The following ESYT2 variants were observed in gnomAD, a reference collection of about 807,000 sequenced individuals.
ESYT2 encodes the protein extended synaptotagmin 2, also known as extended synaptotagmin-2.
A neutral mutation model predicts 107.2 loss-of-function variants in ESYT2; 54 were observed. The observed-to-expected ratio is 0.50, with a 90% CI of 0.40 to 0.63. ESYT2 has a LOEUF of 0.63. Ranked by LOEUF, ESYT2 falls within the 30% of genes least tolerant of loss-of-function variation. The pLI, the probability that ESYT2 is intolerant of heterozygous loss-of-function variation, is 0.00. For missense variants in ESYT2, 1,020 were observed against 1,094.5 expected (o/e 0.93, Z 0.96); for synonymous variants, 491 against 434.1 (o/e 1.13, Z -1.63).
rs80343552 is a variant in ESYT2 at position 158,788,240 on chromosome 7, G to A, written c.657+105C>T. 2.2e-4 allele frequency: 274 copies of A among 1,247,760 alleles called. 3 individuals are homozygous for A. The highest frequency in any genetic ancestry group is 2.2e-3 in the South Asian group (156 of 71,198). The allele number at this position is 1,247,760 out of a possible 1,614,324, so 77.3% of individuals were successfully genotyped here. The stretch of plus-strand genomic sequence containing the variant: ...TATGACCTACAGCTAAAAACTGAAC[G>A]TCAAAAAAATTCCAAGCTAAAAAAA... On this transcript the variant is annotated intron_variant, in intron 5 of 22. Coordinates refer to ENST00000275418, the MANE Select transcript of ESYT2 (RefSeq NM_001367773.1).
Position 158,799,092 on chromosome 7 carries a change from A to G in ESYT2, c.331-20T>C, listed in dbSNP as rs1402854565. 6.2e-7 allele frequency: 1 copy of G among 1,608,840 alleles called. No homozygotes were observed. The highest frequency in any genetic ancestry group is 1.7e-5 in the Admixed American group (1 of 59,626). ...ATGAACCTAGGAGGAAAATACACAC[A>G]TATGACTTATTAACTCCCAACAACT... is the stretch of plus-strand genomic sequence containing the variant. On this transcript the variant is annotated intron_variant, in intron 1 of 22. Transcript: ENST00000275418.
At chr7:158,800,320 T>G (rs1839599514) in intron 1 of ESYT2, among the ~76,000 whole-genome samples, 1 of 152,208 alleles carries the variant, frequency 6.6e-6, no homozygotes, top group South Asian at 2.1e-4. Flanking sequence ...GTGCTGAGAT[T>G]ATAGGTGTGA....
intron 20 of ESYT2, among the ~76,000 whole-genome samples, 167 bp from the exon 21 acceptor site, chr7:158,735,775 C>T (rs1475761989): frequency 2.6e-5 from 4 of 152,152 alleles, no homozygotes; most frequent in African/African-American, 9.7e-5. Context: ...CAGGAAGACT[C>T]AAAAACCAAC....
At chr7:158,805,069 C>T (rs1359615355) in intron 1 of ESYT2, among the ~76,000 whole-genome samples, 2 of 152,212 alleles carry the variant, frequency 1.3e-5, no homozygotes, top group African/African-American at 4.8e-5. Flanking sequence ...GAGGATCTGA[C>T]GGAGCACTTG....
Position 158,757,758 on chromosome 7 carries a change from T to TC in ESYT2, c.1419+1727_1419+1728insG, listed in dbSNP as rs1475187515. 2.2e-4 allele frequency among the ~76,000 whole-genome samples: 17 copies of TC among 77,154 alleles called. No homozygotes were observed. In the Admixed American group the frequency reaches 2.5e-3, roughly 11 times the overall value. 50.6% of individuals were successfully genotyped at this position (77,154 alleles called of 152,430 possible). On this transcript the variant is annotated intron_variant, in intron 13 of 22. Coordinates refer to ENST00000275418, the MANE Select transcript of ESYT2 (RefSeq NM_001367773.1). ...AGATCAATACAGTCTCTCTGGGTTT[T>TC]TTTTTTTTTGTTTTTTGTTTTTTTT... is the stretch of plus-strand genomic sequence containing the variant.
At chr7:158,763,002 A>G in intron 10 of ESYT2, 81 bp downstream of exon 10, 1 of 935,704 alleles carries the variant, frequency 1.1e-6, no homozygotes, top group Non-Finnish European at 1.6e-6. Flanking sequence ...ATACAAATGT[A>G]TTTTAAAACA....
At chr7:158,817,961 C>A (rs1425444489) in intron 1 of ESYT2, among the ~76,000 whole-genome samples, 1 of 152,092 alleles carries the variant, frequency 6.6e-6, no homozygotes, top group Non-Finnish European at 1.5e-5. Context: ...AATGTTCTCC[C>A]AAATCACTGG....
intron 18 of ESYT2, 49 bp from the exon 19 acceptor site, chr7:158,739,170 G>T: frequency 6.6e-7 from 1 of 1,519,596 alleles, no homozygotes; most frequent in Non-Finnish European, 9.1e-7. Flanking sequence ...ACTGGAGAAC[G>T]TTGTGATTCA....
chr7:158,748,336 C>A, intron 15 of ESYT2, 56 bp from the exon 16 acceptor site: 1 of 1,333,480 alleles, frequency 7.5e-7, no homozygotes, highest in South Asian at 1.2e-5. Flanking sequence ...AAGGGCTACT[C>A]ATTTTATGTG....
At position 158,733,993 on chromosome 7, in the gene ESYT2, GAACTGGCGA is replaced by G. The variant is rs1251907243; in HGVS notation, c.*205_*213del. 1.8e-6 allele frequency: 1 copy of G among 566,870 alleles called. No homozygotes were observed. Among genetic ancestry groups the G allele is most frequent in the African/African-American group, 1.9e-5 (1 of 52,838 alleles). 35.1% of individuals were successfully genotyped at this position (566,870 alleles called of 1,614,324 possible). A position where few individuals can be genotyped will look rare whatever the true frequency, so the allele number is the denominator to read the frequency against. ...ACCGCCGCCCTACTGCACGTTGTAG[GAACTGGCGA>G]AATCCTAGAGGAAATCCAACACAGA... On this transcript the variant is annotated 3_prime_UTR_variant, in exon 23 of 23. Coordinates refer to ENST00000275418, the MANE Select transcript of ESYT2 (RefSeq NM_001367773.1).
At chr7:158,734,344 G>A (rs994173939) in intron 22 of ESYT2, 78 bp downstream of exon 22, 2 of 1,611,280 alleles carry the variant, frequency 1.2e-6, no homozygotes, top group Non-Finnish European at 1.7e-6. Context: ...CACTGTCTGT[G>A]GGGGACACTA....
chr7:158,782,729 A>G lies in ESYT2; in HGVS notation c.747+5275T>C, dbSNP rs1838954685. On this transcript the variant is annotated intron_variant, in intron 6 of 22. Coordinates refer to ENST00000275418, the MANE Select transcript of ESYT2 (RefSeq NM_001367773.1). ...CTGCAAGAGAACAAGTGTGAGAATGAGTATGGAAGCTCAAGCATGTGTGAG... is the reference window on the plus strand; with the variant it reads ...CTGCAAGAGAACAAGTGTGAGAATGGGTATGGAAGCTCAAGCATGTGTGAG... Among the ~76,000 whole-genome samples, 3 of 152,206 alleles carry G rather than the reference A, an allele frequency of 2.0e-5. No homozygotes were observed. The South Asian group carries it at 6.2e-4, about 31-fold the overall frequency.
chr7:158,769,035 C>T (rs1192108022), intron 7 of ESYT2, among the ~76,000 whole-genome samples: 1 of 151,910 alleles, frequency 6.6e-6, no homozygotes, highest in East Asian at 1.9e-4. Flanking sequence ...GCTTCTCGCC[C>T]GTAATGTTTT....
At chr7:158,769,537 T>A (rs1312782984) in intron 7 of ESYT2, among the ~76,000 whole-genome samples, 1 of 152,258 alleles carries the variant, frequency 6.6e-6, no homozygotes. Context: ...GTTACTTTCT[T>A]GGGAGTCACT....
At chr7:158,777,985 T>C (rs1838630144) in intron 6 of ESYT2, among the ~76,000 whole-genome samples, 1 of 152,130 alleles carries the variant, frequency 6.6e-6, no homozygotes, top group African/African-American at 2.4e-5. Flanking sequence ...TTTCAACTAG[T>C]AAAAACACAG....
At chr7:158,827,954 A>G (rs1840504151) in intron 1 of ESYT2, among the ~76,000 whole-genome samples, 1 of 152,216 alleles carries the variant, frequency 6.6e-6, no homozygotes, top group Non-Finnish European at 1.5e-5. Flanking sequence ...TCGTGTCTAT[A>G]GTCCATAAAT....
chr7:158,752,532 A>T (rs1027063486), intron 14 of ESYT2, among the ~76,000 whole-genome samples: 2 of 152,250 alleles, frequency 1.3e-5, no homozygotes, highest in Admixed American at 6.5e-5. Flanking sequence ...CACCTTAGAG[A>T]GAGTTGCCTA....
intron 6 of ESYT2, among the ~76,000 whole-genome samples, chr7:158,782,437 AGT>A (rs1563651032): frequency 6.7e-6 from 1 of 149,760 alleles, no homozygotes; most frequent in African/African-American, 2.5e-5. Context: ...GTGAGGTGTG[AGT>A]GTAAGAACGA....
In ESYT2 at chr7:158,735,559, C is replaced by T. The variant is rs146290854; in HGVS notation, c.2449G>A (p.Val817Ile). ...LPEVQRRTLD[V>I]AVKNSGGFLS... ...AAGCCGCCACTGTTCTTCACGGCAA[C>T]GTCGAGCGTTCTCCTCTGCACTTCT... Residue 817 changes from valine (V) to isoleucine (I), a missense_variant, in exon 21 of 23, where the codon GTT (valine) becomes ATT (isoleucine). Transcript: ENST00000275418. 5.5e-5 allele frequency: 88 copies of T among 1,614,116 alleles called. No individual in the cohort carries two copies. Among genetic ancestry groups the T allele is most frequent in the Middle Eastern group, 1.6e-4 (1 of 6,062 alleles).
Sources: gnomAD v4.1 joint callset for allele counts (sites outside exome capture counted in the v4.1 genomes callset) on GRCh38, gnomAD v4.1.1 for gene constraint, MANE v1.5 for transcripts, NCBI Gene and HGNC (gene_info 2026-07-23, HGNC 2026-07-21) for gene names.